The following RALA variants were observed in gnomAD, a reference collection of about 807,000 sequenced individuals.
RALA encodes RAS like proto-oncogene A, also known as ras-related protein Ral-A.
In RALA, 5 loss-of-function variants were observed where a neutral mutation model predicts 24.0. The ratio of observed to expected loss-of-function variants is 0.21; its 90% CI spans 0.11 to 0.44. RALA has a LOEUF of 0.44. Ranked by LOEUF, RALA falls within the 20% of genes least tolerant of loss-of-function variation. RALA has a pLI of 0.99. For missense variants in RALA, 95 were observed against 241.2 expected, an observed-to-expected ratio of 0.39 and a Z score of 4.01; for synonymous variants, 77 against 83.8, an observed-to-expected ratio of 0.92 and a Z score of 0.44.
At chr7:39,673,876 G>A (rs964444298) in intron 1 of RALA, among the ~76,000 whole-genome samples, 1 of 151,894 alleles carries the variant, frequency 6.6e-6, no homozygotes, top group Admixed American at 6.6e-5. Flanking sequence ...AGACCTAGTG[G>A]CTCAAACTTA....
chr7:39,629,174 G>T (rs1791549083), intron 1 of RALA, among the ~76,000 whole-genome samples: 2 of 152,110 alleles, frequency 1.3e-5, no homozygotes, highest in Non-Finnish European at 2.9e-5. Context: ...CATCCTGTGG[G>T]GTTATACTAT....
intron 1 of RALA, among the ~76,000 whole-genome samples, chr7:39,645,919 G>A (rs1052087880): frequency 4.6e-5 from 7 of 152,188 alleles, no homozygotes; most frequent in East Asian, 1.9e-4. Context: ...TCAGGAGGTT[G>A]TAGGCAGATC....
chr7:39,698,122 G>A (rs1231709786), intron 4 of RALA, among the ~76,000 whole-genome samples: 1 of 152,102 alleles, frequency 6.6e-6, no homozygotes, highest in Non-Finnish European at 1.5e-5. Flanking sequence ...CCTTCCTGCT[G>A]CATCCTCACA....
intron 4 of RALA, among the ~76,000 whole-genome samples, chr7:39,699,122 T>TTTA (rs1792972913): frequency 1.6e-5 from 1 of 61,952 alleles, no homozygotes; most frequent in Non-Finnish European, 3.0e-5. Context: ...AAAAATGTTA[T>TTTA]TTTTTTTTTT....
chr7:39,689,838 G>A (rs984806617), intron 2 of RALA, among the ~76,000 whole-genome samples: 8 of 152,148 alleles, frequency 5.3e-5, no homozygotes, highest in African/African-American at 1.9e-4. Context: ...GATAGGAGTG[G>A]GAATGTAAAG....
chr7:39,665,263 A>T (rs961746647), intron 1 of RALA, among the ~76,000 whole-genome samples: 1 of 152,096 alleles, frequency 6.6e-6, no homozygotes, highest in African/African-American at 2.4e-5. Context: ...GAAGACCTTT[A>T]TGATGATCCA....
intron 1 of RALA, among the ~76,000 whole-genome samples, chr7:39,680,334 C>A (rs1792567631): frequency 6.6e-6 from 1 of 151,614 alleles, no homozygotes; most frequent in African/African-American, 2.4e-5. Context: ...TGAGATCGCA[C>A]CATTGCACTC....
intron 2 of RALA, among the ~76,000 whole-genome samples, chr7:39,689,327 TTAA>T (rs1316836500): frequency 6.6e-6 from 1 of 152,192 alleles, no homozygotes; most frequent in Non-Finnish European, 1.5e-5. Flanking sequence ...ACTAAGCACA[TTAA>T]TAGCATGTAA....
At chr7:39,674,866 C>T (rs935741446) in intron 1 of RALA, among the ~76,000 whole-genome samples, 1 of 146,348 alleles carries the variant, frequency 6.8e-6, no homozygotes, top group Non-Finnish European at 1.5e-5. Flanking sequence ...CTCTGTTGCC[C>T]AGGCTGGAGT....
chr7:39,671,407 C>CTAAA (rs1344819601), intron 1 of RALA, among the ~76,000 whole-genome samples: 1 of 152,064 alleles, frequency 6.6e-6, no homozygotes, highest in Non-Finnish European at 1.5e-5. Flanking sequence ...AAGGGCTTTA[C>CTAAA]CTTTGTGCTA....
chr7:39,679,680 T>A (rs1355049942), intron 1 of RALA, among the ~76,000 whole-genome samples: 1 of 152,178 alleles, frequency 6.6e-6, no homozygotes, highest in African/African-American at 2.4e-5. Flanking sequence ...TTCCACAGTT[T>A]TATCTTTTTA....
chr7:39,701,600 C>T (rs758583472), intron 4 of RALA, among the ~76,000 whole-genome samples: 1 of 152,232 alleles, frequency 6.6e-6, no homozygotes, highest in Admixed American at 6.5e-5. Flanking sequence ...CACAAATTTT[C>T]AGGAATAGCA....
At chr7:39,625,534 G>T (rs976386811) in intron 1 of RALA, among the ~76,000 whole-genome samples, 2 of 152,184 alleles carry the variant, frequency 1.3e-5, no homozygotes, top group Non-Finnish European at 2.9e-5. Context: ...ATGAATACAC[G>T]CAATCCTCTG....
chr7:39,668,425 G>A (rs1269145849), intron 1 of RALA, among the ~76,000 whole-genome samples: 1 of 152,148 alleles, frequency 6.6e-6, no homozygotes, highest in African/African-American at 2.4e-5. Flanking sequence ...CTTATATTAT[G>A]GTTTATGGTA....
At chr7:39,665,338 T>C (rs975817940) in intron 1 of RALA, among the ~76,000 whole-genome samples, 3 of 152,188 alleles carry the variant, frequency 2.0e-5, no homozygotes, top group Admixed American at 6.5e-5. Context: ...TTATCTTTTC[T>C]CTAGCTTACT....
At chr7:39,627,796 T>G (rs1791519538) in intron 1 of RALA, among the ~76,000 whole-genome samples, 1 of 152,246 alleles carries the variant, frequency 6.6e-6, no homozygotes, top group African/African-American at 2.4e-5. Flanking sequence ...TTGGAACCCA[T>G]CTGATACTTT....
chr7:39,623,952 A>C lies in RALA; in HGVS notation c.-38+127A>C, dbSNP rs1791425995. On this transcript the variant is annotated intron_variant, in intron 1 of 4. Transcript: ENST00000005257. This position sits in a 1 kb window ranked among gnomAD's most constrained non-coding sequence, Gnocchi z 4.9. ...TCGGGCTGCCGAGATTGCACATCCC[A>C]CGTTCTGCCCGGGGACGAGCTGCGA... is the stretch of plus-strand genomic sequence containing the variant. The C allele has an allele frequency of 1.3e-5, 2 of 152,010 alleles. No homozygotes were observed. Among genetic ancestry groups the C allele is most frequent in the South Asian group, 4.1e-4 (2 of 4,822 alleles). 9.4% of individuals were successfully genotyped at this position (152,010 alleles called of 1,614,324 possible).
rs1477665212 is a variant in RALA, at chr7:39,696,760, T to C, written c.399T>C (p.Asp133=). The change falls in exon 4 of 5, where the codon GAT becomes GAC. Residue 133 remains aspartate, a synonymous_variant. Transcript: ENST00000005257. ...LLVGNKSDLE[D]KRQVSVEEAK... is the part of the protein sequence containing the mutation. The stretch of plus-strand genomic sequence containing the variant: ...TTGGTAACAAATCAGATTTAGAAGA[T>C]AAAAGACAGGTTTCTGTAGAAGAGG... 6.2e-7 allele frequency: 1 copy of C among 1,613,054 alleles called. No homozygotes were observed. The highest frequency in any genetic ancestry group is 8.5e-7 in the Non-Finnish European group (1 of 1,179,066).
intron 1 of RALA, among the ~76,000 whole-genome samples, chr7:39,655,234 G>T (rs867741398): frequency 6.6e-6 from 1 of 152,142 alleles, no homozygotes; most frequent in African/African-American, 2.4e-5. Flanking sequence ...CCATACCATG[G>T]AATACTACTC....
Sources: gnomAD v4.1 joint callset for allele counts (sites outside exome capture counted in the v4.1 genomes callset) on GRCh38, gnomAD v4.1.1 for gene constraint, Gnocchi (gnomAD v3.1) non-coding constraint, MANE v1.5 for transcripts, NCBI Gene and HGNC (gene_info 2026-07-23, HGNC 2026-07-21) for gene names.